Variants in SCHIP1 observed in about 807,000 individuals in gnomAD.
SCHIP1 encodes the protein schwannomin-interacting protein 1.
SCHIP1 carries 8 observed loss-of-function variants against 29.7 expected under a neutral mutation model. That is an observed-to-expected ratio of 0.27 (90% CI 0.16 to 0.49). The LOEUF is 0.49. Among genes scored for constraint, SCHIP1 ranks in the 20% least tolerant of loss-of-function variants. The probability of loss-of-function intolerance (pLI) is 0.99; values close to 1 mark genes in which losing one functional copy is unlikely to be tolerated. For synonymous variants in SCHIP1, 76 were observed against 94.9 expected (o/e 0.80, Z 1.16); for missense variants, 193 against 294.6 (o/e 0.66, Z 2.52).
At chr3:159,812,049 G>A in the SCHIP1 span, among the ~76,000 whole-genome samples, 2 of 147,138 alleles carry the variant, frequency 1.4e-5, no homozygotes, top group African/African-American at 2.5e-5. Flanking sequence ...TCGGCTCACT[G>A]TAACCCTGCC....
chr3:159,461,305 C>T, the SCHIP1 span, among the ~76,000 whole-genome samples: 2 of 152,074 alleles, frequency 1.3e-5, no homozygotes, highest in African/African-American at 2.4e-5. Flanking sequence ...ACCCACCATA[C>T]CTACCACTTA....
At chr3:159,747,453 A>G in the SCHIP1 span, among the ~76,000 whole-genome samples, 3 of 152,188 alleles carry the variant, frequency 2.0e-5, no homozygotes, top group Admixed American at 6.5e-5. Flanking sequence ...ATTTACATTC[A>G]TTTATATTTG....
At chr3:159,803,156 A>G in the SCHIP1 span, among the ~76,000 whole-genome samples, 1 of 151,326 alleles carries the variant, frequency 6.6e-6, no homozygotes, top group Admixed American at 6.6e-5. Flanking sequence ...AAGCATCCAT[A>G]TGCCCAGCTA....
At chr3:159,382,206 C>T in the SCHIP1 span, among the ~76,000 whole-genome samples, 201 of 145,068 alleles carry the variant, frequency 1.4e-3, 1 homozygote, top group Middle Eastern at 3.5e-3. Flanking sequence ...GTGCTGCACC[C>T]ATTAACTCCT....
chr3:159,291,892 T>TA, the SCHIP1 span, among the ~76,000 whole-genome samples: 2 of 151,960 alleles, frequency 1.3e-5, no homozygotes, highest in African/African-American at 4.8e-5. Context: ...AAAATTATTT[T>TA]AAAAAAAGAA....
the SCHIP1 span, among the ~76,000 whole-genome samples, chr3:159,488,371 G>A: frequency 0.073 from 11,048 of 152,146 alleles, 1,357 homozygotes; most frequent in African/African-American, 0.25. Flanking sequence ...AATGCTTGAG[G>A]TAATGGATAC....
chr3:159,611,862 G>A, the SCHIP1 span, among the ~76,000 whole-genome samples: 2 of 152,064 alleles, frequency 1.3e-5, no homozygotes, highest in Non-Finnish European at 1.5e-5. Context: ...CTGGGTTTCA[G>A]TGTCATTCAC....
chr3:159,508,088 G>T, the SCHIP1 span, among the ~76,000 whole-genome samples: 210 of 152,196 alleles, frequency 1.4e-3, no homozygotes, highest in South Asian at 0.026. Flanking sequence ...CTGTGAATCC[G>T]TCTGGTCCTG....
At chr3:159,464,528 T>A in the SCHIP1 span, among the ~76,000 whole-genome samples, 2 of 152,172 alleles carry the variant, frequency 1.3e-5, no homozygotes, top group African/African-American at 4.8e-5. Context: ...TCATTGAAGG[T>A]TCAAATGGTA....
At chr3:159,424,052 C>CCATCTGTACATCAACAT in the SCHIP1 span, among the ~76,000 whole-genome samples, 1 of 101,282 alleles carries the variant, frequency 9.9e-6, no homozygotes, top group African/African-American at 3.1e-5. Flanking sequence ...CACCAAAAAC[C>CCATCTGTACATCAACAT]CATCAAAAAC....
intron 2 of SCHIP1, among the ~76,000 whole-genome samples, chr3:159,877,116 A>C (rs1715905820): frequency 6.6e-6 from 1 of 152,208 alleles, no homozygotes. Context: ...TAGGAGGCCA[A>C]GGCAGGTGGA....
chr3:159,857,559 A>G (rs1338362603), intron 1 of SCHIP1, among the ~76,000 whole-genome samples: 1 of 152,134 alleles, frequency 6.6e-6, no homozygotes, highest in Non-Finnish European at 1.5e-5. Context: ...TCAACCCAAA[A>G]AGAAACCCCG....
At chr3:159,413,627 G>A in the SCHIP1 span, among the ~76,000 whole-genome samples, 2 of 152,046 alleles carry the variant, frequency 1.3e-5, no homozygotes, top group African/African-American at 2.4e-5. Flanking sequence ...TTTTAAAAAC[G>A]TATATAAACA....
the SCHIP1 span, among the ~76,000 whole-genome samples, chr3:159,699,375 C>G: frequency 6.6e-6 from 1 of 152,172 alleles, no homozygotes; most frequent in African/African-American, 2.4e-5. Flanking sequence ...TGAGCCTGTG[C>G]TTTTAACCAT....
chr3:159,542,073 C>A, the SCHIP1 span, among the ~76,000 whole-genome samples: 3 of 151,954 alleles, frequency 2.0e-5, no homozygotes, highest in Non-Finnish European at 2.9e-5. Context: ...TTTGTATTTT[C>A]TCTTATAAAT....
intron 1 of SCHIP1, among the ~76,000 whole-genome samples, chr3:159,851,593 T>TC (rs1712648182): frequency 6.6e-6 from 1 of 152,248 alleles, no homozygotes. Context: ...GATGCATGCT[T>TC]CCTTCATTTT....
chr3:159,412,006 G>A, the SCHIP1 span, among the ~76,000 whole-genome samples: 1 of 152,214 alleles, frequency 6.6e-6, no homozygotes, highest in African/African-American at 2.4e-5. Context: ...ATTACTAAAG[G>A]TAACAATTCT....
the SCHIP1 span, among the ~76,000 whole-genome samples, chr3:159,436,656 A>T: frequency 6.6e-6 from 1 of 152,298 alleles, no homozygotes; most frequent in East Asian, 1.9e-4. Flanking sequence ...CACAATACAG[A>T]AAATAATGAA....
intron 1 of SCHIP1, among the ~76,000 whole-genome samples, chr3:159,860,759 A>G (rs747614040): frequency 5.3e-5 from 8 of 152,196 alleles, no homozygotes; most frequent in Non-Finnish European, 8.8e-5. Context: ...GTCCAGGCCT[A>G]CAACTGTCCC....
Sources: allele counts gnomAD v4.1 joint callset (sites outside exome capture counted in the v4.1 genomes callset), GRCh38; gene constraint gnomAD v4.1.1; transcripts MANE v1.5; gene names NCBI Gene and HGNC (gene_info 2026-07-23, HGNC 2026-07-21).